Variants in SEC61A2 observed in about 807,000 individuals in gnomAD.
SEC61A2 encodes protein transport protein Sec61 subunit alpha isoform 2.
In SEC61A2, 28 loss-of-function variants were observed where a neutral mutation model predicts 59.9. The observed-to-expected ratio is 0.47, with a 90% confidence interval of 0.35 to 0.64. SEC61A2 has a LOEUF of 0.64. SEC61A2 is among the 30% of genes least tolerant of loss of function. The pLI is 0.01. For missense variants in SEC61A2, 340 were observed against 585.9 expected, an observed-to-expected ratio of 0.58 and a Z score of 4.33; for synonymous variants, 202 against 214.4, an observed-to-expected ratio of 0.94 and a Z score of 0.50.
In SEC61A2 at chr10:12,155,285, TA is replaced by T; in HGVS notation, c.463-491del. ...ACATTTTATAGAGTATACATATATA[TA>T]ATATATATAATGCTTTTTTCAAAGG... On this transcript the variant is annotated intron_variant, in intron 6 of 11. Coordinates refer to ENST00000298428, the MANE Select transcript of SEC61A2 (RefSeq NM_018144.4). This position sits in a 1 kb window ranked among gnomAD's most constrained non-coding sequence, Gnocchi z 4.3. 7.0e-7 allele frequency: 1 copy of T among 1,436,670 alleles called. No homozygotes were observed. The allele number at this position is 1,436,670 out of a possible 1,614,324, so 89.0% of individuals were successfully genotyped here.
chr10:12,167,417 A>G (rs1186480267), downstream of SEC61A2: 2 of 326,566 alleles, frequency 6.1e-6, no homozygotes, highest in Admixed American at 4.7e-5. Context: ...ACTGGACTAG[A>G]AAAGTAACTG....
chr10:12,166,299 A>G (rs1024715138), downstream of SEC61A2: 1 of 154,144 alleles, frequency 6.5e-6, no homozygotes, highest in African/African-American at 2.4e-5. Context: ...GACCTAAGGA[A>G]GAGTTAGAGC....
Position 12,129,783 on chromosome 10 carries a change from C to G in SEC61A2, c.-5C>G. On this transcript the variant is annotated 5_prime_UTR_variant, in exon 1 of 12. Transcript: ENST00000298428. The surrounding 1 kb of genome is among the most constrained non-coding windows in gnomAD (Gnocchi z 5.6). ...GTTTCCCCCTGGGCCTCCCCAGCAG[C>G]AGCCATGGGCAGTGAGTAGCGGCGG... The G allele has an allele frequency of 6.8e-7, 1 of 1,473,232 alleles. No homozygotes were observed. Among genetic ancestry groups the G allele is most frequent in the East Asian group, 2.9e-5 (1 of 34,476 alleles). The allele number at this position is 1,473,232 out of a possible 1,614,324, so 91.3% of individuals were successfully genotyped here.
In SEC61A2 at chr10:12,153,688, G is replaced by C; in HGVS notation, c.463-2090G>C. 1 of 1,592,120 alleles carries C rather than the reference G, an allele frequency of 6.3e-7. No individual in the cohort carries two copies. The highest frequency in any genetic ancestry group is 8.5e-7 in the Non-Finnish European group (1 of 1,170,552). On this transcript the variant is annotated intron_variant, in intron 6 of 11. Transcript: ENST00000298428. The surrounding 1 kb of genome is among the most constrained non-coding windows in gnomAD (Gnocchi z 5.2). ...TTCTAATGTTAATATATAAAGAGGG[G>C]TGTCATGTTTGATTGTAGGTGGGCA...
At position 12,161,461 on chromosome 10, in the gene SEC61A2, G is replaced by A. The variant is rs543415381; in HGVS notation, c.1167+340G>A. Among the ~76,000 whole-genome samples the A allele has an allele frequency of 7.4e-4, 112 of 151,990 alleles. No homozygotes were observed. The highest frequency in any genetic ancestry group is 2.6e-3 in the African/African-American group (109 of 41,454). On this transcript the variant is annotated intron_variant, in intron 10 of 11. Transcript: ENST00000298428. The surrounding 1 kb of genome is among the most constrained non-coding windows in gnomAD (Gnocchi z 5.4). ...GATCCTGTCTCAAAAAAATAAAAAA[G>A]GCCAGGCGCAGTGGTTCACGCCTGT...
In SEC61A2 at chr10:12,143,287, G is replaced by A; in HGVS notation, c.220+92G>A. 1.1e-6 allele frequency: 1 copy of A among 902,824 alleles called. No homozygotes were observed. Among genetic ancestry groups the A allele is most frequent in the Non-Finnish European group, 1.9e-6 (1 of 539,234 alleles). 55.9% of individuals were successfully genotyped at this position (902,824 alleles called of 1,614,324 possible). On this transcript the variant is annotated intron_variant, in intron 4 of 11. Coordinates refer to ENST00000298428, the MANE Select transcript of SEC61A2 (RefSeq NM_018144.4). The surrounding 1 kb of genome is among the most constrained non-coding windows in gnomAD (Gnocchi z 4.8). ...AATGAGTTTTCAATGTCTACAGGGA[G>A]GGGGAGGATATCATTGCCTAGAAAA...
At position 12,155,459 on chromosome 10, in the gene SEC61A2, C is replaced by A; in HGVS notation, c.463-319C>A. On this transcript the variant is annotated intron_variant, in intron 6 of 11. Coordinates refer to ENST00000298428, the MANE Select transcript of SEC61A2 (RefSeq NM_018144.4). The surrounding 1 kb of genome is among the most constrained non-coding windows in gnomAD (Gnocchi z 4.3). ...GTCATAAATTCTAGAATACTGTGATCATTTTTTGTTTCAGTGTGCTTTTCA... is the reference window on the plus strand; with the variant it reads ...GTCATAAATTCTAGAATACTGTGATAATTTTTTGTTTCAGTGTGCTTTTCA... 1.9e-6 allele frequency: 2 copies of A among 1,030,822 alleles called. No individual in the cohort carries two copies. Among genetic ancestry groups the A allele is most frequent in the South Asian group, 3.4e-5 (2 of 58,754 alleles). 63.9% of individuals were successfully genotyped at this position (1,030,822 alleles called of 1,614,324 possible). A position where few individuals can be genotyped will look rare whatever the true frequency, so the allele number is the denominator to read the frequency against.
At chr10:12,167,128 G>A (rs1399770837), downstream of SEC61A2, 1 of 158,792 alleles carries the variant, frequency 6.3e-6, no homozygotes, top group African/African-American at 2.4e-5. Flanking sequence ...TTAAAAGCTG[G>A]TTCAGCCTCA....
Position 12,133,246 on chromosome 10 carries a change from T to G in SEC61A2, c.13T>G (p.Phe5Val). The G allele has an allele frequency of 6.7e-7, 1 of 1,493,858 alleles. No individual in the cohort carries two copies. Among genetic ancestry groups the G allele is most frequent in the Non-Finnish European group, 9.3e-7 (1 of 1,080,042 alleles). 92.5% of individuals were successfully genotyped at this position (1,493,858 alleles called of 1,614,324 possible). Residue 5 changes from phenylalanine (F) to valine (V), a missense_variant, in exon 2 of 12, where the codon TTT becomes GTT. This residue lies in a region of SEC61A2 where 41 missense variants were observed against 47.6 expected (regional missense o/e 0.86). Coordinates refer to ENST00000298428, the MANE Select transcript of SEC61A2 (RefSeq NM_018144.4). The stretch of plus-strand genomic sequence containing the variant: ...TATTATTTTTCTTTTTACAGTCAAA[T>G]TTTTAGAAGTTATCAAACCATTCTG... MGIK[F>V]LEVIKPFCAV...
intron 2 of SEC61A2, among the ~76,000 whole-genome samples, chr10:12,134,654 C>T (rs1833843339): frequency 3.3e-5 from 5 of 152,144 alleles, no homozygotes; most frequent in African/African-American, 1.2e-4. Context: ...AGGCCCGGCA[C>T]AGTGACTCAC....
chr10:12,164,850 A>G lies in SEC61A2; in HGVS notation c.*396A>G. On this transcript the variant is annotated 3_prime_UTR_variant, in exon 12 of 12. Transcript: ENST00000298428. This position sits in a 1 kb window ranked among gnomAD's most constrained non-coding sequence, Gnocchi z 7.3. ...GCCACTTTCCAGTATTTTTGAGCTT[A>G]TTTAATGAGTTCTGGAACATTTATA... 2 of 1,002,384 alleles carry G rather than the reference A, an allele frequency of 2.0e-6. No homozygotes were observed. Among genetic ancestry groups the G allele is most frequent in the Middle Eastern group, 5.0e-4 (1 of 1,982 alleles). The allele number at this position is 1,002,384 out of a possible 1,614,324, so 62.1% of individuals were successfully genotyped here. A position where few individuals can be genotyped will look rare whatever the true frequency, so the allele number is the denominator to read the frequency against.
Position 12,143,043 on chromosome 10 carries a change from C to T in SEC61A2, c.142-74C>T. On this transcript the variant is annotated intron_variant, in intron 3 of 11. Coordinates refer to ENST00000298428, the MANE Select transcript of SEC61A2 (RefSeq NM_018144.4). This position sits in a 1 kb window ranked among gnomAD's most constrained non-coding sequence, Gnocchi z 4.8. Reference sequence around the variant, plus strand: ...TCTCAGCTCACTGCAGCCTTTGCCTCCTGGGTTCAAGCGATTCTTATGCCT... The same window carrying T: ...TCTCAGCTCACTGCAGCCTTTGCCTTCTGGGTTCAAGCGATTCTTATGCCT... The T allele has an allele frequency of 8.6e-7, 1 of 1,164,488 alleles. No individual in the cohort carries two copies. The highest frequency in any genetic ancestry group is 1.3e-6 in the Non-Finnish European group (1 of 774,968). The allele number at this position is 1,164,488 out of a possible 1,614,324, so 72.1% of individuals were successfully genotyped here.
rs759685807 is a variant in SEC61A2, at chr10:12,164,505, A to G, written c.*51A>G. ...TGTGAAAGGGAAAACACTTTGACGG[A>G]TCGTTTTTGTCAGATGACACTGGTG... On this transcript the variant is annotated 3_prime_UTR_variant, in exon 12 of 12. Transcript: ENST00000298428. This position sits in a 1 kb window ranked among gnomAD's most constrained non-coding sequence, Gnocchi z 7.3. 3.2e-6 allele frequency: 5 copies of G among 1,574,884 alleles called. No homozygotes were observed. In the South Asian group the frequency reaches 4.7e-5, roughly 15 times the overall value.
intron 1 of SEC61A2, among the ~76,000 whole-genome samples, chr10:12,131,986 CA>C (rs1833755728): frequency 2.6e-5 from 1 of 38,706 alleles, no homozygotes; most frequent in African/African-American, 1.1e-4. Flanking sequence ...CGTGAGCCAA[CA>C]AGCCCGGCCT....
chr10:12,149,190 A>G lies in SEC61A2; in HGVS notation c.221-405A>G, dbSNP rs903926800. ...CTGCAACCTCTGCCTTCCAGGTTTA[A>G]GCGATTCTCCTGCCTCAGACTCCTG... On this transcript the variant is annotated intron_variant, in intron 4 of 11. Transcript: ENST00000298428. The surrounding 1 kb of genome is among the most constrained non-coding windows in gnomAD (Gnocchi z 5.2). 3.3e-5 allele frequency among the ~76,000 whole-genome samples: 5 copies of G among 151,870 alleles called. No individual in the cohort carries two copies. The highest frequency in any genetic ancestry group is 7.4e-5 in the Non-Finnish European group (5 of 67,976).
chr10:12,158,725 G>A lies in SEC61A2; in HGVS notation c.975+620G>A, dbSNP rs1173150168. 2.0e-5 allele frequency among the ~76,000 whole-genome samples: 3 copies of A among 151,998 alleles called. No individual in the cohort carries two copies. Among genetic ancestry groups the A allele is most frequent in the East Asian group, 1.9e-4 (1 of 5,168 alleles). On this transcript the variant is annotated intron_variant, in intron 9 of 11. Transcript: ENST00000298428. This position sits in a 1 kb window ranked among gnomAD's most constrained non-coding sequence, Gnocchi z 5.7. ...AGCCTGGGCGACAGAACGAGACTCC[G>A]TCTCCAAAAAATAAAAACAAAAAAT...
At chr10:12,140,086 GAAGTA>G (rs976149953) in intron 3 of SEC61A2, among the ~76,000 whole-genome samples, 1 of 152,108 alleles carries the variant, frequency 6.6e-6, no homozygotes, top group Non-Finnish European at 1.5e-5. Flanking sequence ...AAGAATTGCA[GAAGTA>G]AAGAAATTAC....
chr10:12,139,089 G>A (rs1833950730), intron 3 of SEC61A2, among the ~76,000 whole-genome samples: 1 of 152,102 alleles, frequency 6.6e-6, no homozygotes, highest in Non-Finnish European at 1.5e-5. Flanking sequence ...AGCCTCCTGA[G>A]TAGCTGGGAT....
chr10:12,157,770 G>A, intron 8 of SEC61A2, 138 bp from the exon 9 acceptor site: 1 of 737,640 alleles, frequency 1.4e-6, no homozygotes, highest in Non-Finnish European at 2.2e-6. Context: ...CAAAGTGTTG[G>A]GATTACAGGC....
Sources: allele counts gnomAD v4.1 joint callset (sites outside exome capture counted in the v4.1 genomes callset), GRCh38; gene constraint gnomAD v4.1.1; regional missense constraint gnomAD v4.1.1; non-coding constraint Gnocchi (gnomAD v3.1); transcripts MANE v1.5; gene names NCBI Gene and HGNC (gene_info 2026-07-23, HGNC 2026-07-21).